DIAPH3: variants seen among roughly 807,000 people sequenced by gnomAD.
DIAPH3 encodes the protein diaphanous related formin 3.
DIAPH3 carries 117 observed loss-of-function variants against 144.3 expected under a neutral mutation model. That is an observed-to-expected ratio of 0.81 (90% CI 0.70 to 0.95). The LOEUF is 0.95. Ranked by LOEUF, DIAPH3 falls within the 40% of genes least tolerant of loss-of-function variation. The pLI is 0.00. For synonymous variants in DIAPH3, 519 were observed against 488.9 expected (o/e 1.06, Z -0.81); for missense variants, 1,421 against 1,412.7 (o/e 1.01, Z -0.09).
chr13:59,948,840 A>AGAAG (rs202029127), intron 17 of DIAPH3, among the ~76,000 whole-genome samples: 9,903 of 133,364 alleles, frequency 0.074, 438 homozygotes, highest in Non-Finnish European at 0.08. Flanking sequence ...ATAAAAAGAA[A>AGAAG]GAAGGAAGGA....
chr13:60,075,067 T>C (rs1594592318), intron 4 of DIAPH3, among the ~76,000 whole-genome samples: 1 of 152,172 alleles, frequency 6.6e-6, no homozygotes, highest in African/African-American at 2.4e-5. Flanking sequence ...ATACTAGCAA[T>C]AGTTTGCATT....
At chr13:59,811,534 C>T (rs185646276) in intron 24 of DIAPH3, among the ~76,000 whole-genome samples, 58 of 151,952 alleles carry the variant, frequency 3.8e-4, no homozygotes, top group Non-Finnish European at 6.3e-4. Context: ...GTCAGTAGAT[C>T]GAGACCATCC....
At chr13:59,703,222 G>A (rs1406408029) in intron 27 of DIAPH3, among the ~76,000 whole-genome samples, 1 of 152,128 alleles carries the variant, frequency 6.6e-6, no homozygotes, top group Non-Finnish European at 1.5e-5. Flanking sequence ...CACTGATTTT[G>A]AAGACTTCGC....
chr13:59,757,749 A>C (rs1444450903), intron 27 of DIAPH3, among the ~76,000 whole-genome samples: 1 of 152,108 alleles, frequency 6.6e-6, no homozygotes, highest in East Asian at 1.9e-4. Context: ...CCACTGAAAC[A>C]CTGTTAAAAG....
At chr13:59,837,338 C>T (rs1198598015) in intron 23 of DIAPH3, among the ~76,000 whole-genome samples, 1 of 151,918 alleles carries the variant, frequency 6.6e-6, no homozygotes, top group Non-Finnish European at 1.5e-5. Flanking sequence ...TTTTATGAGC[C>T]GCATACCTTT....
chr13:59,802,566 GT>G (rs55975131), intron 25 of DIAPH3, among the ~76,000 whole-genome samples: 2,889 of 135,284 alleles, frequency 0.021, 81 homozygotes, highest in East Asian at 0.13. Context: ...ACAAGGAAAA[GT>G]TTTTTTTTTT....
chr13:59,765,667 A>C (rs1446141583), intron 27 of DIAPH3, among the ~76,000 whole-genome samples: 2 of 152,180 alleles, frequency 1.3e-5, no homozygotes, highest in Non-Finnish European at 2.9e-5. Flanking sequence ...GGCTAGTTTT[A>C]TGCTTTCACA....
chr13:59,929,864 C>T (rs2047940247), intron 17 of DIAPH3, among the ~76,000 whole-genome samples: 1 of 152,096 alleles, frequency 6.6e-6, no homozygotes, highest in African/African-American at 2.4e-5. Flanking sequence ...AGCCACCATG[C>T]CCGGCCCTCA....
chr13:59,931,978 C>T (rs959330567), intron 17 of DIAPH3, among the ~76,000 whole-genome samples: 1 of 152,120 alleles, frequency 6.6e-6, no homozygotes, highest in Non-Finnish European at 1.5e-5. Flanking sequence ...TTTCCAGATA[C>T]CATATAACAA....
At chr13:59,952,600 A>C (rs1243556227) in intron 17 of DIAPH3, among the ~76,000 whole-genome samples, 1 of 152,174 alleles carries the variant, frequency 6.6e-6, no homozygotes, top group East Asian at 1.9e-4. Context: ...TCATTTTAGC[A>C]TCTAGGTCCT....
chr13:59,926,026 C>T (rs576798965), intron 17 of DIAPH3, among the ~76,000 whole-genome samples: 6 of 152,192 alleles, frequency 3.9e-5, no homozygotes, highest in Non-Finnish European at 7.4e-5. Context: ...CACTCTGTCA[C>T]CCAGGCTGGA....
intron 25 of DIAPH3, among the ~76,000 whole-genome samples, chr13:59,798,116 T>G (rs1222606657): frequency 6.6e-6 from 1 of 152,206 alleles, no homozygotes; most frequent in Non-Finnish European, 1.5e-5. Context: ...CCCCATTGAT[T>G]CTGCCTCTAA....
chr13:59,939,939 G>A lies in DIAPH3; in HGVS notation c.2075-15069C>T, dbSNP rs572363010. ...GTCAGGATTCAGAAATCCCTGGATG[G>A]TTTATAATCCTTCAAGCCCCAACAA... On this transcript the variant is annotated intron_variant, in intron 17 of 27. Coordinates refer to ENST00000400324, the MANE Select transcript of DIAPH3 (RefSeq NM_001042517.2). 6.6e-5 allele frequency among the ~76,000 whole-genome samples: 10 copies of A among 151,472 alleles called. No homozygotes were observed. The East Asian group carries it at 9.8e-4, about 15-fold the overall frequency.
chr13:59,817,570 C>T (rs1207859213), intron 24 of DIAPH3, among the ~76,000 whole-genome samples: 2 of 151,794 alleles, frequency 1.3e-5, no homozygotes, highest in Non-Finnish European at 2.9e-5. Flanking sequence ...AAAGGGAGGT[C>T]TCTTATAAAC....
intron 1 of DIAPH3, among the ~76,000 whole-genome samples, chr13:60,151,006 T>A (rs567077271): frequency 6.0e-5 from 9 of 149,256 alleles, no homozygotes; most frequent in Non-Finnish European, 8.9e-5. Flanking sequence ...AGGGAATATA[T>A]CCAGGCACCA....
intron 23 of DIAPH3, chr13:59,838,289 A>C (rs2042144164): frequency 6.6e-6 from 1 of 152,176 alleles, no homozygotes; most frequent in Non-Finnish European, 1.5e-5. Flanking sequence ...AAAGTTTATT[A>C]CTTCAGTTAC....
chr13:59,732,404 T>C (rs2035933280), intron 27 of DIAPH3, among the ~76,000 whole-genome samples: 1 of 150,836 alleles, frequency 6.6e-6, no homozygotes. Flanking sequence ...CTATTTATAA[T>C]TCAGTCTGTA....
chr13:59,994,830 G>A (rs1005334289), intron 9 of DIAPH3, among the ~76,000 whole-genome samples: 1 of 151,812 alleles, frequency 6.6e-6, no homozygotes, highest in African/African-American at 2.4e-5. Flanking sequence ...ACAGGAGAGA[G>A]GGCATAGCCT....
intron 4 of DIAPH3, among the ~76,000 whole-genome samples, chr13:60,085,923 G>A (rs2137845340): frequency 6.6e-6 from 1 of 152,138 alleles, no homozygotes; most frequent in East Asian, 1.9e-4. Flanking sequence ...GTGACAAGAT[G>A]AAAACAACTC....
Sources: gnomAD v4.1 joint callset for allele counts (sites outside exome capture counted in the v4.1 genomes callset) on GRCh38, gnomAD v4.1.1 for gene constraint, MANE v1.5 for transcripts, NCBI Gene and HGNC (gene_info 2026-07-23, HGNC 2026-07-21) for gene names.